The following IL1RAPL1 variants were observed in gnomAD, a reference collection of about 807,000 sequenced individuals.
IL1RAPL1 encodes the protein interleukin-1 receptor accessory protein-like 1.
IL1RAPL1 carries 3 observed loss-of-function variants against 48.4 expected under a neutral mutation model. The observed-to-expected ratio is 0.06, with a 90% CI of 0.03 to 0.16. IL1RAPL1 has a LOEUF of 0.16. Ranked by LOEUF, IL1RAPL1 falls within the 10% of genes least tolerant of loss-of-function variation. IL1RAPL1 has a pLI of 1.00. For synonymous variants in IL1RAPL1, 185 were observed against 187.7 expected (o/e 0.99, Z 0.12); for missense variants, 349 against 530.6 (o/e 0.66, Z 3.36).
intron 2 of IL1RAPL1, among the ~76,000 whole-genome samples, chrX:29,111,880 T>C (rs765701603): frequency 1.8e-5 from 2 of 110,073 alleles, no homozygotes; most frequent in Non-Finnish European, 3.8e-5. Context: ...AGCTTTTATA[T>C]TGTTAAATAT....
chrX:29,080,928 C>CTTTCTTTCTTTCTTTCTTTCTTTCT (rs1927791797), intron 2 of IL1RAPL1, among the ~76,000 whole-genome samples: 1 of 25,412 alleles, frequency 3.9e-5, no homozygotes, highest in Admixed American at 5.7e-4. Context: ...AATATTTTTT[C>CTTTCTTTCTTTCTTTCTTTCTTTCT]TTTCTTTCTT....
chrX:29,849,489 A>C (rs1012553306), intron 6 of IL1RAPL1, among the ~76,000 whole-genome samples: 1 of 112,213 alleles, frequency 8.9e-6, no homozygotes, highest in Non-Finnish European at 1.9e-5. Context: ...GGTATTGATT[A>C]GTGCTGTAAA....
At chrX:29,488,310 C>T (rs1274812786) in intron 5 of IL1RAPL1, among the ~76,000 whole-genome samples, 3 of 111,345 alleles carry the variant, frequency 2.7e-5, no homozygotes, top group Admixed American at 9.5e-5. Flanking sequence ...TGGGGGCGTG[C>T]GCCTGTAGTC....
At chrX:29,732,563 G>A (rs1018457820) in intron 6 of IL1RAPL1, among the ~76,000 whole-genome samples, 1 of 111,937 alleles carries the variant, frequency 8.9e-6, no homozygotes, top group African/African-American at 3.2e-5. Flanking sequence ...TCAACACACA[G>A]CATGTGCTCT....
At chrX:29,157,197 T>C (rs1211801128) in intron 2 of IL1RAPL1, among the ~76,000 whole-genome samples, 7 of 111,604 alleles carry the variant, frequency 6.3e-5, no homozygotes, top group Non-Finnish European at 1.3e-4. Context: ...CAGGGAGATC[T>C]GTAGATAACT....
intron 6 of IL1RAPL1, among the ~76,000 whole-genome samples, chrX:29,906,164 A>G (rs1193038886): frequency 4.7e-5 from 5 of 107,134 alleles, no homozygotes; most frequent in Admixed American, 3.1e-4. Flanking sequence ...GTGAAACCCC[A>G]TCTCTACTAA....
At chrX:29,377,782 C>A (rs965917137) in intron 3 of IL1RAPL1, among the ~76,000 whole-genome samples, 2 of 111,575 alleles carry the variant, frequency 1.8e-5, no homozygotes, top group African/African-American at 6.5e-5. Context: ...CTCTAGCTGC[C>A]TTTACATTTT....
chrX:29,802,918 C>CCT (rs1412166338), intron 6 of IL1RAPL1, among the ~76,000 whole-genome samples: 4 of 43,350 alleles, frequency 9.2e-5, no homozygotes, highest in African/African-American at 4.0e-4. Flanking sequence ...TATATGTGTA[C>CCT]ATATATACAT....
At chrX:29,539,220 A>T (rs1041246742) in intron 5 of IL1RAPL1, among the ~76,000 whole-genome samples, 4 of 111,955 alleles carry the variant, frequency 3.6e-5, no homozygotes, top group African/African-American at 1.3e-4. Context: ...ACCAAGATCA[A>T]GTAGATTTCA....
chrX:29,149,522 A>G (rs1423868955), intron 2 of IL1RAPL1, among the ~76,000 whole-genome samples: 3 of 111,878 alleles, frequency 2.7e-5, no homozygotes, highest in African/African-American at 9.7e-5. Flanking sequence ...AAGTAGGGAA[A>G]TACATGTGAC....
intron 6 of IL1RAPL1, among the ~76,000 whole-genome samples, chrX:29,870,158 A>G (rs891594171): frequency 1.8e-5 from 2 of 112,653 alleles, no homozygotes; most frequent in African/African-American, 6.5e-5. Context: ...TTCAGAGTCA[A>G]TGAATCTGGC....
intron 5 of IL1RAPL1, among the ~76,000 whole-genome samples, chrX:29,463,209 C>A (rs1252383215): frequency 1.2e-4 from 13 of 108,630 alleles, no homozygotes; most frequent in Non-Finnish European, 1.7e-4. Flanking sequence ...AAAAAAAAAC[C>A]CACATTATGA....
At chrX:28,771,823 C>T (rs906394949) in intron 1 of IL1RAPL1, among the ~76,000 whole-genome samples, 28 of 106,025 alleles carry the variant, frequency 2.6e-4, no homozygotes, top group Non-Finnish European at 5.4e-4. Flanking sequence ...CCCAGCTACT[C>T]GGGAGGCTGA....
intron 3 of IL1RAPL1, among the ~76,000 whole-genome samples, chrX:29,378,153 T>C (rs149924464): frequency 0.035 from 3,860 of 110,589 alleles, 157 homozygotes; most frequent in African/African-American, 0.12. Flanking sequence ...CTCAGTTTGG[T>C]CTATTCTGCT....
intron 2 of IL1RAPL1, among the ~76,000 whole-genome samples, chrX:28,804,499 C>T (rs1936707484): frequency 9.0e-6 from 1 of 111,085 alleles, no homozygotes; most frequent in African/African-American, 3.3e-5. Context: ...TAGGAGGCTC[C>T]AGGGAAGAAT....
chrX:29,806,346 G>A (rs1416208628), intron 6 of IL1RAPL1, among the ~76,000 whole-genome samples: 1 of 111,464 alleles, frequency 9.0e-6, no homozygotes, highest in Non-Finnish European at 1.9e-5. Context: ...AGGTATATGT[G>A]TATTCTTCAA....
At chrX:29,072,225 G>GA (rs1373264806) in intron 2 of IL1RAPL1, among the ~76,000 whole-genome samples, 51 of 99,590 alleles carry the variant, frequency 5.1e-4, no homozygotes, top group East Asian at 1.6e-3. Context: ...ACTCATTAAG[G>GA]AAAAAAAAAA....
At chrX:29,544,369 A>G (rs16988640) in intron 5 of IL1RAPL1, among the ~76,000 whole-genome samples, 2,633 of 112,224 alleles carry the variant, frequency 0.023, 65 homozygotes, top group African/African-American at 0.071. Context: ...GCTCAGTGCT[A>G]TAAAAAAAGT....
intron 2 of IL1RAPL1, among the ~76,000 whole-genome samples, chrX:28,809,465 G>A (rs1366144064): frequency 9.0e-6 from 1 of 110,646 alleles, no homozygotes; most frequent in African/African-American, 3.3e-5. Flanking sequence ...CCCATTAAGT[G>A]AGAACATGGG....
Sources: gnomAD v4.1 joint callset for allele counts (sites outside exome capture counted in the v4.1 genomes callset) on GRCh38, gnomAD v4.1.1 for gene constraint, MANE v1.5 for transcripts, NCBI Gene and HGNC (gene_info 2026-07-23, HGNC 2026-07-21) for gene names.